Variants in ZNF787 observed in about 807,000 individuals in gnomAD.
ZNF787 encodes the protein TTF-I-interacting peptide 20.
A neutral mutation model predicts 16.9 loss-of-function variants in ZNF787; 7 were observed. The observed-to-expected ratio is 0.42, with a 90% CI of 0.24 to 0.78. ZNF787 has a LOEUF of 0.78. Ranked by LOEUF, ZNF787 falls within the 30% of genes least tolerant of loss-of-function variation. The pLI is 0.30. For synonymous variants in ZNF787, 345 were observed against 270.9 expected (o/e 1.27, Z -2.69); for missense variants, 551 against 589.3 (o/e 0.94, Z 0.67).
At chr19:56,116,586 A>G (rs2030144866) in intron 1 of ZNF787, among the ~76,000 whole-genome samples, 2 of 152,110 alleles carry the variant, frequency 1.3e-5, no homozygotes, top group South Asian at 4.1e-4. Context: ...ATGAAATAAA[A>G]CACTAAAAAT....
intron 1 of ZNF787, among the ~76,000 whole-genome samples, chr19:56,112,676 C>T (rs1298258796): frequency 6.6e-6 from 1 of 151,628 alleles, no homozygotes; most frequent in East Asian, 2.0e-4. Flanking sequence ...TTCCCCTCTA[C>T]TTGCAGCCTG....
At chr19:56,106,096 CT>C (rs1428211454) in intron 1 of ZNF787, among the ~76,000 whole-genome samples, 4 of 147,872 alleles carry the variant, frequency 2.7e-5, no homozygotes, top group African/African-American at 1.0e-4. Flanking sequence ...CGCATTCCCC[CT>C]TCCGCGCCCA....
At chr19:56,092,354 C>A (rs1985638862) in intron 2 of ZNF787, among the ~76,000 whole-genome samples, 1 of 152,116 alleles carries the variant, frequency 6.6e-6, no homozygotes, top group African/African-American at 2.4e-5. Flanking sequence ...CACTGAAGGA[C>A]TCAGCTGAGG....
At position 56,100,728 on chromosome 19, in the gene ZNF787, C is replaced by T. The variant is rs566488726; in HGVS notation, c.79+2411G>A. On this transcript the variant is annotated intron_variant, in intron 2 of 2. Coordinates refer to ENST00000610935, the MANE Select transcript of ZNF787 (RefSeq NM_001002836.4). Reference sequence around the variant, plus strand: ...CCCCACATGCTATGGCCAGGCTAACCCCCGCCACTCCACCCCCACCTACGA... The same window carrying T: ...CCCCACATGCTATGGCCAGGCTAACTCCCGCCACTCCACCCCCACCTACGA... Among the ~76,000 whole-genome samples the T allele has an allele frequency of 1.4e-4, 20 of 146,058 alleles. No homozygotes were observed. The East Asian group carries it at 3.9e-3, about 29-fold the overall frequency.
At chr19:56,118,793 T>A (rs779069367) in intron 1 of ZNF787, among the ~76,000 whole-genome samples, 4 of 152,106 alleles carry the variant, frequency 2.6e-5, no homozygotes, top group Non-Finnish European at 5.9e-5. Flanking sequence ...GAAACATGTC[T>A]GAGGATGGGT....
chr19:56,105,764 C>T (rs1295765384), intron 1 of ZNF787, among the ~76,000 whole-genome samples: 3 of 152,164 alleles, frequency 2.0e-5, no homozygotes, highest in Non-Finnish European at 4.4e-5. Context: ...ACAACATTCC[C>T]CCATGTAAAG....
intron 2 of ZNF787, among the ~76,000 whole-genome samples, chr19:56,091,610 C>T (rs1283781670): frequency 6.6e-6 from 1 of 152,182 alleles, no homozygotes; most frequent in Non-Finnish European, 1.5e-5. Context: ...GTGGGGAAGG[C>T]AGGAGGTGGG....
chr19:56,116,620 GACAC>G (rs796556892), intron 1 of ZNF787, among the ~76,000 whole-genome samples: 5 of 151,218 alleles, frequency 3.3e-5, no homozygotes, highest in Admixed American at 6.6e-5. Flanking sequence ...TAAAAAAAAA[GACAC>G]ACACACACAC....
intron 1 of ZNF787, 104 bp from the exon 2 acceptor site, chr19:56,103,331 G>C: frequency 1.0e-6 from 1 of 993,810 alleles, no homozygotes. Flanking sequence ...GACAGGCACA[G>C]CGCCCGGCAG....
intron 2 of ZNF787, among the ~76,000 whole-genome samples, chr19:56,101,251 G>C (rs1355268868): frequency 1.3e-5 from 2 of 152,244 alleles, no homozygotes; most frequent in African/African-American, 2.4e-5. Context: ...CCCCACACGG[G>C]AGTTACGCGA....
At chr19:56,092,420 G>GCTCTAC (rs982908763) in intron 2 of ZNF787, among the ~76,000 whole-genome samples, 3 of 152,062 alleles carry the variant, frequency 2.0e-5, no homozygotes, top group African/African-American at 7.2e-5. Context: ...TACGCCCCAG[G>GCTCTAC]CTCTACCTCT....
intron 2 of ZNF787, among the ~76,000 whole-genome samples, chr19:56,094,187 C>CTTTTTT (rs572443571): frequency 3.9e-4 from 41 of 105,454 alleles, no homozygotes; most frequent in Non-Finnish European, 4.8e-4. Flanking sequence ...TCATGCCCGG[C>CTTTTTT]TTTTTTTTTT....
At chr19:56,092,153 A>C (rs1035324205) in intron 2 of ZNF787, among the ~76,000 whole-genome samples, 2 of 152,168 alleles carry the variant, frequency 1.3e-5, no homozygotes, top group Non-Finnish European at 2.9e-5. Flanking sequence ...CCAGCAAGAG[A>C]AGAGCACGGT....
At chr19:56,096,570 G>A (rs986218459) in intron 2 of ZNF787, among the ~76,000 whole-genome samples, 14 of 151,988 alleles carry the variant, frequency 9.2e-5, no homozygotes, top group Non-Finnish European at 1.9e-4. Context: ...AAAATTAGCC[G>A]GGCATGGTGG....
At chr19:56,090,374 G>T (rs1314741171) in intron 2 of ZNF787, among the ~76,000 whole-genome samples, 1 of 152,080 alleles carries the variant, frequency 6.6e-6, no homozygotes, top group Non-Finnish European at 1.5e-5. Flanking sequence ...CGCATTAGTA[G>T]ACTGGGTCCA....
intron 2 of ZNF787, among the ~76,000 whole-genome samples, chr19:56,090,504 G>A (rs1235470982): frequency 2.6e-5 from 4 of 152,072 alleles, no homozygotes; most frequent in African/African-American, 4.8e-5. Context: ...CAGTAGCATC[G>A]GCGCCACAGA....
At chr19:56,115,656 C>T (rs970000772) in intron 1 of ZNF787, among the ~76,000 whole-genome samples, 1 of 152,148 alleles carries the variant, frequency 6.6e-6, no homozygotes. Context: ...TGCCTCCCAC[C>T]CGCACCACCC....
chr19:56,087,945 TGGGTCTCTTGG>T lies in ZNF787; in HGVS notation c.*67_*77del. 4 of 1,292,074 alleles carry T rather than the reference TGGGTCTCTTGG, an allele frequency of 3.1e-6. No homozygotes were observed. The highest frequency in any genetic ancestry group is 3.9e-6 in the Non-Finnish European group (4 of 1,021,146). The allele number at this position is 1,292,074 out of a possible 1,614,324, so 80.0% of individuals were successfully genotyped here. A position where few individuals can be genotyped will look rare whatever the true frequency, so the allele number is the denominator to read the frequency against. ...CCATCGCACCCCGTCCGCTTCTCCC[TGGGTCTCTTGG>T]TCTTGCACGTCGTCGCTCCCGCCAA... On this transcript the variant is annotated 3_prime_UTR_variant, in exon 3 of 3. Transcript: ENST00000610935.
chr19:56,091,442 C>T (rs915066351), intron 2 of ZNF787, among the ~76,000 whole-genome samples: 1 of 152,138 alleles, frequency 6.6e-6, no homozygotes, highest in African/African-American at 2.4e-5. Context: ...ACGTGGAGAG[C>T]GCAGTGAGTG....
Sources: gnomAD v4.1 joint callset for allele counts (sites outside exome capture counted in the v4.1 genomes callset) on GRCh38, gnomAD v4.1.1 for gene constraint, MANE v1.5 for transcripts, NCBI Gene and HGNC (gene_info 2026-07-23, HGNC 2026-07-21) for gene names.